ATP2C1: variants seen among roughly 807,000 people sequenced by gnomAD.
ATP2C1 encodes the protein ATPase secretory pathway Ca2+ transporting 1, also known as calcium-transporting ATPase type 2C member 1.
A neutral mutation model predicts 120.5 loss-of-function variants in ATP2C1; 31 were observed. That is an observed-to-expected ratio of 0.26 (90% confidence interval 0.19 to 0.35). The LOEUF is 0.35. Ranked by LOEUF, ATP2C1 falls within the 10% of genes least tolerant of loss-of-function variation. The pLI is 1.00. For synonymous variants in ATP2C1, 351 were observed against 358.7 expected (o/e 0.98, Z 0.24); for missense variants, 731 against 1,107.5 (o/e 0.66, Z 4.83).
chr3:130,917,689 TGAA>T (rs2058747325), intron 2 of ATP2C1, among the ~76,000 whole-genome samples: 1 of 152,246 alleles, frequency 6.6e-6, no homozygotes, highest in Non-Finnish European at 1.5e-5. Flanking sequence ...AGCCTCTTAA[TGAA>T]TTTTAAAGTA....
At chr3:130,939,825 G>C in intron 6 of ATP2C1, among the ~76,000 whole-genome samples, 1 of 152,166 alleles carries the variant, frequency 6.6e-6, no homozygotes, top group East Asian at 1.9e-4. Context: ...ATTTTGACTA[G>C]TACTAGCACT....
chr3:130,875,828 T>C (rs2068582507), intron 1 of ATP2C1, among the ~76,000 whole-genome samples: 1 of 152,150 alleles, frequency 6.6e-6, no homozygotes, highest in Non-Finnish European at 1.5e-5. Context: ...AAGTGTGAGG[T>C]GATATCTCAT....
rs557868217 is a variant in ATP2C1 at position 130,951,606 on chromosome 3, A to G, written c.532-2215A>G. Among the ~76,000 whole-genome samples, 4 of 152,292 alleles carry G rather than the reference A, an allele frequency of 2.6e-5. No homozygotes were observed. The South Asian group carries it at 8.3e-4, about 32-fold the overall frequency. On this transcript the variant is annotated intron_variant, in intron 8 of 27. Coordinates refer to ENST00000510168, the MANE Select transcript of ATP2C1 (RefSeq NM_001378687.1). ...TAGTTCCAAGGTTAACGTGGAAATA[A>G]AAGTCAAATAAATATGTTTCTTTAA...
intron 26 of ATP2C1, among the ~76,000 whole-genome samples, chr3:131,011,272 AAT>A (rs1191963760): frequency 1.3e-5 from 2 of 152,268 alleles, no homozygotes; most frequent in Admixed American, 6.5e-5. Flanking sequence ...GCTTTTAAAA[AAT>A]AGACTTCCAG....
At chr3:130,974,465 T>A (rs1432845365) in intron 17 of ATP2C1, among the ~76,000 whole-genome samples, 4 of 152,224 alleles carry the variant, frequency 2.6e-5, no homozygotes, top group Non-Finnish European at 5.9e-5. Flanking sequence ...TACTCATGTT[T>A]ATTGGCCAAA....
At chr3:130,948,517 A>G (rs2060242190) in intron 8 of ATP2C1, among the ~76,000 whole-genome samples, 1 of 151,894 alleles carries the variant, frequency 6.6e-6, no homozygotes, top group Non-Finnish European at 1.5e-5. Flanking sequence ...TTAATTGTGG[A>G]TATCTTTGAG....
At chr3:130,875,882 TG>T (rs1224035936) in intron 1 of ATP2C1, among the ~76,000 whole-genome samples, 2 of 148,364 alleles carry the variant, frequency 1.3e-5, no homozygotes, top group Non-Finnish European at 3.0e-5. Flanking sequence ...TGATGTCGAG[TG>T]TTTTTTTTTT....
intron 8 of ATP2C1, among the ~76,000 whole-genome samples, chr3:130,947,216 A>G (rs1055170500): frequency 6.6e-6 from 1 of 152,122 alleles, no homozygotes; most frequent in East Asian, 1.9e-4. Context: ...ACCAGCTCTT[A>G]GACCATGCCA....
At chr3:130,930,655 T>C in intron 3 of ATP2C1, 129 bp downstream of exon 3, 2 of 724,078 alleles carry the variant, frequency 2.8e-6, no homozygotes, top group East Asian at 5.4e-5. Flanking sequence ...TTCAGCATAG[T>C]AGCCACAAGT....
chr3:130,989,114 G>C (rs1311461127), intron 20 of ATP2C1, among the ~76,000 whole-genome samples: 1 of 151,994 alleles, frequency 6.6e-6, no homozygotes, highest in Non-Finnish European at 1.5e-5. Context: ...AGCTGGGTAT[G>C]GTGGCGGGCA....
rs984787170 is a variant in ATP2C1 at position 130,894,534 on chromosome 3, G to A, written c.-180-56G>A. 15 of 1,401,428 alleles carry A rather than the reference G, an allele frequency of 1.1e-5. No homozygotes were observed. The highest frequency in any genetic ancestry group is 2.7e-4 in the Middle Eastern group (1 of 3,740). The allele number at this position is 1,401,428 out of a possible 1,614,324, so 86.8% of individuals were successfully genotyped here. ...GGGGCTCCCGAGATAGTGGCTGGGC[G>A]GGGAACTCCTTCCTCAGCCTCTCGT... On this transcript the variant is annotated intron_variant, in intron 1 of 27. Coordinates refer to ENST00000510168, the MANE Select transcript of ATP2C1 (RefSeq NM_001378687.1). This position sits in a 1 kb window ranked among gnomAD's most constrained non-coding sequence, Gnocchi z 4.5.
At chr3:130,961,062 A>G (rs1247164502) in intron 12 of ATP2C1, among the ~76,000 whole-genome samples, 2 of 152,112 alleles carry the variant, frequency 1.3e-5, no homozygotes, top group Non-Finnish European at 1.5e-5. Context: ...TTTGTGATAT[A>G]GTGAAAGAAT....
intron 17 of ATP2C1, among the ~76,000 whole-genome samples, chr3:130,973,072 AAATC>A (rs2061400934): frequency 7.2e-6 from 1 of 138,738 alleles, no homozygotes; most frequent in South Asian, 2.3e-4. Flanking sequence ...TAAAAGGTAA[AAATC>A]AAAACAAATA....
intron 2 of ATP2C1, among the ~76,000 whole-genome samples, chr3:130,896,659 A>T (rs2069657502): frequency 6.6e-6 from 1 of 152,210 alleles, no homozygotes. Context: ...GAGGTGTGAA[A>T]CAAAAATGGA....
chr3:130,899,638 C>T (rs1002238995), intron 2 of ATP2C1: 4 of 151,790 alleles, frequency 2.6e-5, no homozygotes, highest in Non-Finnish European at 4.4e-5. Flanking sequence ...TAAGTTGCTA[C>T]GACAAAAGTA....
chr3:130,859,727 T>G (rs1273832581), intron 1 of ATP2C1, among the ~76,000 whole-genome samples: 7 of 152,128 alleles, frequency 4.6e-5, no homozygotes, highest in African/African-American at 1.7e-4. Context: ...TTCTGAGCTA[T>G]TTTTAATCCC....
chr3:130,996,449 T>A (rs1448555842), intron 23 of ATP2C1, among the ~76,000 whole-genome samples: 1 of 152,224 alleles, frequency 6.6e-6, no homozygotes, highest in Non-Finnish European at 1.5e-5. Context: ...GTTGAAACTA[T>A]CATGCAGATG....
In ATP2C1 at chr3:130,975,505, A is replaced by G. The variant is rs1412547578; in HGVS notation, c.1570+17A>G. 2 of 1,612,840 alleles carry G rather than the reference A, an allele frequency of 1.2e-6. No homozygotes were observed. Among genetic ancestry groups the G allele is most frequent in the Non-Finnish European group, 8.5e-7 (1 of 1,179,470 alleles). On this transcript the variant is annotated intron_variant, in intron 18 of 27. Transcript: ENST00000510168. ...GACTCAGAGGTAAGGCTATTTCAGCATAGTCCCCTGGGGTGGAAAGGTAGA... is the reference window on the plus strand; with the variant it reads ...GACTCAGAGGTAAGGCTATTTCAGCGTAGTCCCCTGGGGTGGAAAGGTAGA...
chr3:130,976,692 T>TC (rs1022859498), intron 18 of ATP2C1, among the ~76,000 whole-genome samples: 1 of 151,916 alleles, frequency 6.6e-6, no homozygotes, highest in African/African-American at 2.4e-5. Flanking sequence ...ATGCCCTGGA[T>TC]CCCCCCACCT....
Sources: allele counts gnomAD v4.1 joint callset (sites outside exome capture counted in the v4.1 genomes callset), GRCh38; gene constraint gnomAD v4.1.1; non-coding constraint Gnocchi (gnomAD v3.1); transcripts MANE v1.5; gene names NCBI Gene and HGNC (gene_info 2026-07-23, HGNC 2026-07-21).